ETF1: variants seen among roughly 807,000 people sequenced by gnomAD.
The protein encoded by ETF1 is eukaryotic peptide chain release factor subunit 1.
Under a neutral mutation model 55.1 loss-of-function variants are expected in ETF1, and 4 were observed. The ratio of observed to expected loss-of-function variants is 0.07; its 90% CI spans 0.04 to 0.17. The LOEUF (loss-of-function observed/expected upper bound fraction) is 0.17, where lower values mean the gene tolerates loss of function less well. ETF1 is among the 10% of genes least tolerant of loss of function. The pLI, the probability that ETF1 is intolerant of heterozygous loss-of-function variation, is 1.00. For synonymous variants in ETF1, 157 were observed against 182.3 expected (o/e 0.86, Z 1.12); for missense variants, 142 against 523.6 (o/e 0.27, Z 7.11).
chr5:138,522,378 C>A (rs154073), intron 2 of ETF1, among the ~76,000 whole-genome samples: 1 of 151,784 alleles, frequency 6.6e-6, no homozygotes, highest in South Asian at 2.1e-4. Flanking sequence ...GTGAAGAAAT[C>A]GAAATCTTCA....
chr5:138,528,743 A>G (rs1765576047), intron 2 of ETF1, among the ~76,000 whole-genome samples: 1 of 152,202 alleles, frequency 6.6e-6, no homozygotes, highest in Non-Finnish European at 1.5e-5. Context: ...CCTTTAAAAT[A>G]AGACACCTGA....
intron 2 of ETF1, among the ~76,000 whole-genome samples, chr5:138,527,578 G>A (rs1276349370): frequency 6.6e-6 from 1 of 152,136 alleles, no homozygotes; most frequent in Non-Finnish European, 1.5e-5. Context: ...GGAAACACTG[G>A]GCAACTAAAC....
intron 2 of ETF1, chr5:138,542,493 A>G: frequency 1.9e-6 from 1 of 519,296 alleles, no homozygotes; most frequent in Non-Finnish European, 3.0e-6. Flanking sequence ...CTTTGCCACA[A>G]TAGCACCCGA....
chr5:138,538,335 G>GC (rs1386031610), intron 2 of ETF1, among the ~76,000 whole-genome samples: 2 of 151,946 alleles, frequency 1.3e-5, no homozygotes, highest in African/African-American at 4.8e-5. Flanking sequence ...GATTACAGGT[G>GC]CAAGCCACCA....
intron 3 of ETF1, chr5:138,517,962 G>GATTAC: frequency 1.2e-6 from 1 of 846,576 alleles, no homozygotes; most frequent in Non-Finnish European, 1.4e-6. Context: ...AGCACTCTGG[G>GATTAC]AGGCCGAGGT....
At chr5:138,536,659 T>C (rs1765946076) in intron 2 of ETF1, among the ~76,000 whole-genome samples, 1 of 152,236 alleles carries the variant, frequency 6.6e-6, no homozygotes, top group Non-Finnish European at 1.5e-5. Context: ...TAATTTCTAC[T>C]GTCCAGCCTC....
At position 138,511,097 on chromosome 5, in the gene ETF1, G is replaced by C. The variant is rs143376132; in HGVS notation, c.966C>G (p.Val322=). 322 of 1,613,906 alleles carry C rather than the reference G, an allele frequency of 2.0e-4. No homozygotes were observed. The highest frequency in any genetic ancestry group is 2.6e-4 in the Non-Finnish European group (303 of 1,179,938). The change falls in exon 8 of 11, where the codon GTC becomes GTG. Residue 322 remains valine (V), a synonymous_variant. Transcript: ENST00000360541. ...ATCTCATTATATCCAGATTTTCATA[G>C]ACTATTAGAATTTCTACAGCTCCCA... ...LEMGAVEILI[V]YENLDIMRYV... is the part of the protein sequence containing the mutation.
At chr5:138,515,493 CA>C (rs1252892113) in intron 4 of ETF1, among the ~76,000 whole-genome samples, 3 of 152,166 alleles carry the variant, frequency 2.0e-5, no homozygotes, top group African/African-American at 7.2e-5. Context: ...ATAGCCTTAT[CA>C]AAATGACCCG....
Position 138,523,880 on chromosome 5 carries a change from A to G in ETF1, c.87-5013T>C, listed in dbSNP as rs112905473. 7.6e-3 allele frequency among the ~76,000 whole-genome samples: 1,157 copies of G among 152,194 alleles called. 9 individuals are homozygous for G. The highest frequency in any genetic ancestry group is 0.036 in the South Asian group (175 of 4,822). On this transcript the variant is annotated intron_variant, in intron 2 of 10. Coordinates refer to ENST00000360541, the MANE Select transcript of ETF1 (RefSeq NM_004730.4). Reference sequence around the variant, plus strand: ...AGGAGTTTTGAGACCAGCCTGTGAAATGCAGTGAGACCCTGGCTGGGCATG... The same window carrying G: ...AGGAGTTTTGAGACCAGCCTGTGAAGTGCAGTGAGACCCTGGCTGGGCATG...
intron 3 of ETF1, 144 bp downstream of exon 3, chr5:138,518,548 C>T (rs904153476): frequency 2.9e-6 from 2 of 688,310 alleles, no homozygotes; most frequent in Admixed American, 3.0e-5. Flanking sequence ...CAAAACAAAA[C>T]AAAAAAGCTA....
chr5:138,519,096 T>C (rs1256872729), intron 2 of ETF1: 2 of 984,828 alleles, frequency 2.0e-6, no homozygotes, highest in Non-Finnish European at 2.4e-6. Context: ...AGGTAAGTTA[T>C]GTAAAGAATA....
chr5:138,542,906 G>T lies in ETF1; in HGVS notation c.13C>A (p.Pro5Thr). ...TCCACGTTCCTGTCGGCAGCACTGG[G>T]GTCGTCCGCCATCTTCTCGCCTCCT... Reference protein sequence around the residue: MADDPSAADRNVEIW... With the variant: MADDTSAADRNVEIW... Residue 5 changes from proline to threonine, a missense_variant, in exon 2 of 11, where the codon CCC (proline) becomes ACC (threonine). Pro to Thr is a conservative substitution (Grantham distance 38). Coordinates refer to ENST00000360541, the MANE Select transcript of ETF1 (RefSeq NM_004730.4). 6.2e-7 allele frequency: 1 copy of T among 1,613,692 alleles called. No individual in the cohort carries two copies. Among genetic ancestry groups the T allele is most frequent in the East Asian group, 2.2e-5 (1 of 44,854 alleles).
At chr5:138,527,087 T>C (rs1660739898) in intron 2 of ETF1, among the ~76,000 whole-genome samples, 1 of 152,164 alleles carries the variant, frequency 6.6e-6, no homozygotes, top group Non-Finnish European at 1.5e-5. Flanking sequence ...TCCACCTGCC[T>C]TGGCCTCCCA....
At chr5:138,526,212 A>C (rs1296577269) in intron 2 of ETF1, among the ~76,000 whole-genome samples, 1 of 152,166 alleles carries the variant, frequency 6.6e-6, no homozygotes. Context: ...AGCTGGCAAG[A>C]AAAAGAAATC....
chr5:138,521,046 G>A (rs528286962), intron 2 of ETF1, among the ~76,000 whole-genome samples: 2 of 152,180 alleles, frequency 1.3e-5, no homozygotes, highest in East Asian at 3.9e-4. Context: ...GTTCATAGCA[G>A]CATTATTCAC....
At chr5:138,540,567 T>C (rs1947050355) in intron 2 of ETF1, among the ~76,000 whole-genome samples, 1 of 152,160 alleles carries the variant, frequency 6.6e-6, no homozygotes, top group Non-Finnish European at 1.5e-5. Context: ...CTGACTCCCT[T>C]ACCAATACTC....
At chr5:138,537,619 G>C (rs911211248) in intron 2 of ETF1, among the ~76,000 whole-genome samples, 1 of 151,920 alleles carries the variant, frequency 6.6e-6, no homozygotes, top group Admixed American at 6.6e-5. Flanking sequence ...ATGGAATCTT[G>C]CTCTGTCGCC....
In ETF1 at chr5:138,543,194, G is replaced by C. The variant is rs1010884874; in HGVS notation, c.-116C>G. The C allele has an allele frequency of 1.5e-5, 8 of 550,664 alleles. No homozygotes were observed. Among genetic ancestry groups the C allele is most frequent in the Non-Finnish European group, 2.2e-5 (7 of 311,466 alleles). 34.1% of individuals were successfully genotyped at this position (550,664 alleles called of 1,614,324 possible). ...GTAGGACACCGGCTCCCTCTCTCCA[G>C]GCAGCTGCATGTGTTGCAATCCGCT... On this transcript the variant is annotated 5_prime_UTR_variant, in exon 1 of 11. Coordinates refer to ENST00000360541, the MANE Select transcript of ETF1 (RefSeq NM_004730.4).
intron 2 of ETF1, among the ~76,000 whole-genome samples, chr5:138,542,370 C>G (rs1351558517): frequency 6.6e-6 from 1 of 152,162 alleles, no homozygotes; most frequent in Non-Finnish European, 1.5e-5. Context: ...CCAAACTTCA[C>G]CCACCCGGGT....
Sources: allele counts gnomAD v4.1 joint callset (sites outside exome capture counted in the v4.1 genomes callset), GRCh38; gene constraint gnomAD v4.1.1; transcripts MANE v1.5; gene names NCBI Gene and HGNC (gene_info 2026-07-23, HGNC 2026-07-21).